Variants in TRHR observed in about 807,000 individuals in gnomAD.
The protein encoded by TRHR is thyrotropin-releasing hormone receptor.
A neutral mutation model predicts 28.0 loss-of-function variants in TRHR; 14 were observed. That is an observed-to-expected ratio of 0.50 (90% confidence interval 0.33 to 0.78). The LOEUF (loss-of-function observed/expected upper bound fraction) is 0.78, where lower values mean the gene tolerates loss of function less well. TRHR is among the 30% of genes least tolerant of loss of function. The pLI is 0.02. For synonymous variants in TRHR, 176 were observed against 171.9 expected, an observed-to-expected ratio of 1.02 and a Z score of -0.18; for missense variants, 438 against 469.5, an observed-to-expected ratio of 0.93 and a Z score of 0.62.
chr8:109,093,784 A>G (rs565174010), intron 2 of TRHR, among the ~76,000 whole-genome samples: 1 of 151,198 alleles, frequency 6.6e-6, no homozygotes, highest in South Asian at 2.1e-4. Context: ...AACAATAATG[A>G]CCTACTGCAA....
rs397691686 is a variant in TRHR at position 109,121,082 on chromosome 8, C to CTTTTTTTTT, written c.*1631_*1639dup. Among the ~76,000 whole-genome samples the CTTTTTTTTT allele has an allele frequency of 6.9e-6, 1 of 144,318 alleles. No individual in the cohort carries two copies. The allele number at this position is 144,318 out of a possible 152,430, so 94.7% of individuals were successfully genotyped here. A position where few individuals can be genotyped will look rare whatever the true frequency, so the allele number is the denominator to read the frequency against. On this transcript the variant is annotated 3_prime_UTR_variant, in exon 3 of 3. Transcript: ENST00000518632. Reference sequence around the variant, plus strand: ...ATCCAGAACCTCATTCTAGAGTGCGCTTTTTTTTTTTTGAAAATTGGCCTT... The same window carrying CTTTTTTTTT: ...ATCCAGAACCTCATTCTAGAGTGCGCTTTTTTTTTTTTTTTTTTTTTGAAAATTGGCCTT...
intron 2 of TRHR, among the ~76,000 whole-genome samples, chr8:109,097,622 A>C (rs16892496): frequency 0.31 from 47,414 of 152,066 alleles, 7,869 homozygotes; most frequent in East Asian, 0.47. Flanking sequence ...GCAAGCCCCC[A>C]GTGGGATACA....
At chr8:109,111,043 C>T (rs1322075399) in intron 2 of TRHR, among the ~76,000 whole-genome samples, 2 of 151,994 alleles carry the variant, frequency 1.3e-5, no homozygotes, top group Non-Finnish European at 2.9e-5. Context: ...ATCCCAGCTA[C>T]TTGGGAGTTG....
intron 2 of TRHR, among the ~76,000 whole-genome samples, chr8:109,097,786 A>G (rs1400010086): frequency 6.6e-6 from 1 of 152,200 alleles, no homozygotes; most frequent in Non-Finnish European, 1.5e-5. Flanking sequence ...TCTTCAAGCT[A>G]TTGAGCAATG....
chr8:109,102,180 G>T (rs1322565322), intron 2 of TRHR, among the ~76,000 whole-genome samples: 1 of 152,134 alleles, frequency 6.6e-6, no homozygotes, highest in African/African-American at 2.4e-5. Context: ...GCTTGATTAT[G>T]AGAGAGAACA....
rs1269557607 is a variant in TRHR at position 109,121,502 on chromosome 8, A to C, written c.*2047A>C. On this transcript the variant is annotated 3_prime_UTR_variant, in exon 3 of 3. Transcript: ENST00000518632. ...TACAGCTGTAATTTCTCTGATGATT[A>C]GACCAGTATTCCTGTGACCTAATTC... Among the ~76,000 whole-genome samples the C allele has an allele frequency of 6.6e-6, 1 of 151,774 alleles. No individual in the cohort carries two copies. The highest frequency in any genetic ancestry group is 1.5e-5 in the Non-Finnish European group (1 of 67,808).
chr8:109,104,193 T>C (rs1420340251), intron 2 of TRHR, among the ~76,000 whole-genome samples: 1 of 152,146 alleles, frequency 6.6e-6, no homozygotes, highest in Non-Finnish European at 1.5e-5. Context: ...AGTAATATCA[T>C]CTTTCTTCTT....
intron 2 of TRHR, among the ~76,000 whole-genome samples, chr8:109,090,824 G>A (rs1472547955): frequency 2.0e-5 from 3 of 152,102 alleles, no homozygotes; most frequent in African/African-American, 2.4e-5. Flanking sequence ...GCCAAGAAGG[G>A]GCACATAGAG....
intron 2 of TRHR, among the ~76,000 whole-genome samples, chr8:109,107,393 G>C (rs898956102): frequency 6.6e-6 from 1 of 152,106 alleles, no homozygotes; most frequent in Non-Finnish European, 1.5e-5. Context: ...ATATACTGAG[G>C]TTTACAAGGC....
chr8:109,107,276 T>C lies in TRHR; in HGVS notation c.790-11772T>C, dbSNP rs573805470. On this transcript the variant is annotated intron_variant, in intron 2 of 2. Coordinates refer to ENST00000518632, the MANE Select transcript of TRHR (RefSeq NM_003301.7). ...CCAGTGATGGGAAATCTCATCCCCT[T>C]AAATTATGGAAAATTAGCTGTCTTT... Among the ~76,000 whole-genome samples, 83 of 152,340 alleles carry C rather than the reference T, an allele frequency of 5.4e-4. 1 individual carries two copies. The highest frequency in any genetic ancestry group is 3.4e-3 in the Middle Eastern group (1 of 294).
At chr8:109,104,216 C>T (rs1811718463) in intron 2 of TRHR, among the ~76,000 whole-genome samples, 1 of 152,130 alleles carries the variant, frequency 6.6e-6, no homozygotes, top group South Asian at 2.1e-4. Flanking sequence ...GCTAAAGTGA[C>T]CAAACACAAT....
intron 2 of TRHR, among the ~76,000 whole-genome samples, chr8:109,088,807 G>A (rs1288272596): frequency 6.6e-6 from 1 of 152,096 alleles, no homozygotes; most frequent in Non-Finnish European, 1.5e-5. Flanking sequence ...AAGGTTCCTG[G>A]ACTTATTTTT....
chr8:109,087,548 A>G lies in TRHR; in HGVS notation c.36A>G (p.Thr12=). The G allele has an allele frequency of 1.9e-6, 3 of 1,614,246 alleles. No homozygotes were observed. The highest frequency in any genetic ancestry group is 2.2e-5 in the South Asian group (2 of 91,092). Residue 12 remains threonine (T), a synonymous_variant, in exon 2 of 3, where the codon ACA becomes ACG. Transcript: ENST00000518632. Reference sequence around the variant, plus strand: ...AGACAGTCAGTGAACTGAACCAAACACAGCTTCAGCCACGAGCAGTGGTGG... The same window carrying G: ...AGACAGTCAGTGAACTGAACCAAACGCAGCTTCAGCCACGAGCAGTGGTGG... ...ENETVSELNQ[T]QLQPRAVVAL... is the part of the protein sequence containing the mutation.
At chr8:109,114,541 A>T (rs1811889043) in intron 2 of TRHR, among the ~76,000 whole-genome samples, 1 of 152,110 alleles carries the variant, frequency 6.6e-6, no homozygotes, top group African/African-American at 2.4e-5. Context: ...ATGACTTTGT[A>T]GTGGTTTCCA....
chr8:109,121,499 A>T lies in TRHR; in HGVS notation c.*2044A>T, dbSNP rs1210728598. Among the ~76,000 whole-genome samples the T allele has an allele frequency of 6.6e-6, 1 of 151,754 alleles. No individual in the cohort carries two copies. The highest frequency in any genetic ancestry group is 1.5e-5 in the Non-Finnish European group (1 of 67,812). On this transcript the variant is annotated 3_prime_UTR_variant, in exon 3 of 3. Transcript: ENST00000518632. ...CACTACAGCTGTAATTTCTCTGATGATTAGACCAGTATTCCTGTGACCTAA... is the reference window on the plus strand; with the variant it reads ...CACTACAGCTGTAATTTCTCTGATGTTTAGACCAGTATTCCTGTGACCTAA...
chr8:109,104,640 A>T (rs2129909305), intron 2 of TRHR, among the ~76,000 whole-genome samples: 1 of 152,256 alleles, frequency 6.6e-6, no homozygotes, highest in Non-Finnish European at 1.5e-5. Context: ...GAAGAACAGG[A>T]CATTTTCCCA....
chr8:109,087,762 A>G lies in TRHR; in HGVS notation c.250A>G (p.Thr84Ala). The stretch of plus-strand genomic sequence containing the variant: ...GGTGGCCGCAGGCCTCCCCAACATA[A>G]CAGACAGTATCTACGGTTCCTGGGT... ...VLVAAGLPNI[T>A]DSIYGSWVYG... is the part of the protein sequence containing the mutation. The change falls in exon 2 of 3, where the codon ACA (threonine) becomes GCA (alanine). Residue 84 changes from threonine to alanine, a missense_variant. Coordinates refer to ENST00000518632, the MANE Select transcript of TRHR (RefSeq NM_003301.7). The G allele has an allele frequency of 6.2e-7, 1 of 1,614,094 alleles. No homozygotes were observed. Among genetic ancestry groups the G allele is most frequent in the Non-Finnish European group, 8.5e-7 (1 of 1,180,016 alleles).
Position 109,119,268 on chromosome 8 carries a change from G to T in TRHR, c.1010G>T (p.Cys337Phe). 6.2e-7 allele frequency: 1 copy of T among 1,612,782 alleles called. No homozygotes were observed. The highest frequency in any genetic ancestry group is 8.5e-7 in the Non-Finnish European group (1 of 1,179,218). The change falls in exon 3 of 3, where the codon TGC becomes TTC. Residue 337 changes from cysteine to phenylalanine, a missense_variant. Cys to Phe is a radical substitution (Grantham distance 205). Coordinates refer to ENST00000518632, the MANE Select transcript of TRHR (RefSeq NM_003301.7). The stretch of plus-strand genomic sequence containing the variant: ...GCAGCCTTCAGAAAGCTCTGCAACT[G>T]CAAGCAGAAGCCAACAGAGAAACCT... ...FRAAFRKLCN[C>F]KQKPTEKPAN...
At chr8:109,098,274 C>T (rs1050923352) in intron 2 of TRHR, among the ~76,000 whole-genome samples, 2 of 151,908 alleles carry the variant, frequency 1.3e-5, no homozygotes, top group Admixed American at 6.6e-5. Context: ...AGACTACAGG[C>T]GTGTGCTACC....
Sources: gnomAD v4.1 joint callset for allele counts (sites outside exome capture counted in the v4.1 genomes callset) on GRCh38, gnomAD v4.1.1 for gene constraint, MANE v1.5 for transcripts, NCBI Gene and HGNC (gene_info 2026-07-23, HGNC 2026-07-21) for gene names.